The following CAPS2 variants were observed in gnomAD, a reference collection of about 807,000 sequenced individuals.
CAPS2 encodes calcyphosine 2.
CAPS2 carries 98 observed loss-of-function variants against 86.5 expected under a neutral mutation model. That is an observed-to-expected ratio of 1.13 (90% CI 0.96 to 1.34). The LOEUF is 1.34. Ranked by LOEUF, CAPS2 falls within the 40% of genes most tolerant of loss-of-function variation. CAPS2 has a pLI of 0.00. For missense variants in CAPS2, 729 were observed against 686.8 expected (o/e 1.06, Z -0.69); for synonymous variants, 210 against 225.1 (o/e 0.93, Z 0.60).
chr12:75,314,750 GATTA>G (rs1358150456), intron 6 of CAPS2, among the ~76,000 whole-genome samples: 12 of 152,110 alleles, frequency 7.9e-5, no homozygotes, highest in Non-Finnish European at 1.0e-4. Flanking sequence ...AAAGAGGGGA[GATTA>G]ATTAACACCA....
Position 75,346,136 on chromosome 12 carries a change from G to A in CAPS2, c.-394-22914C>T, listed in dbSNP as rs900848611. On this transcript the variant is annotated intron_variant, in intron 1 of 5. Transcript: ENST00000551829. Reference sequence around the variant, plus strand: ...CTACATAGTGAATATTTATTCTCACGATTCCAAAAGCCCCAAAAAGTCACA... The same window carrying A: ...CTACATAGTGAATATTTATTCTCACAATTCCAAAAGCCCCAAAAAGTCACA... 1.5e-4 allele frequency among the ~76,000 whole-genome samples: 23 copies of A among 152,018 alleles called. 1 individual carries two copies. Among genetic ancestry groups the A allele is most frequent in the Admixed American group, 9.8e-4 (15 of 15,266 alleles).
intron 1 of CAPS2, among the ~76,000 whole-genome samples, chr12:75,353,895 T>G (rs141714355): frequency 1.3e-5 from 2 of 152,158 alleles, no homozygotes; most frequent in African/African-American, 4.8e-5. Context: ...AAAAACCATA[T>G]GATTATCTCA....
At chr12:75,310,921 C>T (rs191394429) in intron 7 of CAPS2, among the ~76,000 whole-genome samples, 9 of 152,220 alleles carry the variant, frequency 5.9e-5, no homozygotes, top group African/African-American at 1.4e-4. Context: ...TAAGATCAAA[C>T]CTAAGACCAT....
At chr12:75,367,553 TTC>T (rs2044063208) in intron 1 of CAPS2, among the ~76,000 whole-genome samples, 1 of 151,996 alleles carries the variant, frequency 6.6e-6, no homozygotes, top group African/African-American at 2.4e-5. Context: ...TCAAATTATA[TTC>T]TTTTTTGTAA....
At position 75,285,088 on chromosome 12, in the gene CAPS2, C is replaced by A. The variant is rs749259617; in HGVS notation, c.1396-8G>T. On this transcript the variant is annotated splice_polypyrimidine_tract_variant and splice_region_variant and intron_variant, in intron 14 of 16. Transcript: ENST00000393284. ...CCATGCAGACTCAAAATCCTAGAAA[C>A]AATCAGAGATAACTGTTGCATTTTT... 6.2e-7 allele frequency: 1 copy of A among 1,602,010 alleles called. No individual in the cohort carries two copies.
chr12:75,276,954 T>C (rs1171916610), downstream of CAPS2: 1 of 984,594 alleles, frequency 1.0e-6, no homozygotes, highest in Non-Finnish European at 1.2e-6. Context: ...TTCTCTTAAA[T>C]GCTCTTTTAT....
chr12:75,316,467 C>T, intron 5 of CAPS2, 33 bp from the exon 6 acceptor site: 1 of 1,499,926 alleles, frequency 6.7e-7, no homozygotes, highest in Non-Finnish European at 8.9e-7. Context: ...AAGCATCATA[C>T]ACATATTTAG....
rs200410720 is a variant in CAPS2 at position 75,315,604 on chromosome 12, GTAAC to G, written c.591+704_591+707del. Among the ~76,000 whole-genome samples, 7 of 152,256 alleles carry G rather than the reference GTAAC, an allele frequency of 4.6e-5. No homozygotes were observed. In the East Asian group the frequency reaches 1.2e-3, roughly 25 times the overall value. On this transcript the variant is annotated intron_variant, in intron 6 of 16. Coordinates refer to ENST00000393284, the Ensembl canonical transcript of CAPS2. ...ATTGCCACTCAATGATAATAGTAAT[GTAAC>G]TAACTAAATCCATATTGCTTTGTTA...
intron 12 of CAPS2, 125 bp downstream of exon 12, chr12:75,293,124 C>T (rs1490805541): frequency 1.6e-6 from 1 of 630,926 alleles, no homozygotes. Context: ...CGTAGCTATG[C>T]TTGTTTTTTC....
chr12:75,323,182 C>A, exon 3 of CAPS2: 2 of 1,539,372 alleles, frequency 1.3e-6, no homozygotes, highest in Non-Finnish European at 1.8e-6. Flanking sequence ...ATTACCTCAT[C>A]ATCAGAGTCA....
exon 17 of CAPS2, chr12:75,277,491 T>C (rs17804612): frequency 0.051 from 46,145 of 902,838 alleles, 1,398 homozygotes; most frequent in African/African-American, 0.12. Flanking sequence ...TTCTAGCATA[T>C]TGTTTTAATT....
intron 2 of CAPS2, among the ~76,000 whole-genome samples, chr12:75,323,940 G>A (rs1012324972): frequency 2.6e-5 from 4 of 152,096 alleles, no homozygotes; most frequent in Admixed American, 2.0e-4. Context: ...CAGCCTTGAT[G>A]GGATTATTTA....
intron 1 of CAPS2, chr12:75,343,608 G>A: frequency 3.8e-6 from 4 of 1,043,894 alleles, no homozygotes; most frequent in Non-Finnish European, 5.4e-6. Context: ...ATAAATTTAA[G>A]CAAAACTTAG....
In CAPS2 at chr12:75,381,120, G is replaced by A. The variant is rs574482836; in HGVS notation, c.-395+9718C>T. ...CCCACATGTTGTAGGAGGGACCCAG[G>A]GGGAGGTAACTGAATCACAGGGGCC... On this transcript the variant is annotated intron_variant, in intron 1 of 5. Transcript: ENST00000551829. Among the ~76,000 whole-genome samples, 48 of 152,260 alleles carry A rather than the reference G, an allele frequency of 3.2e-4. 1 individual carries two copies. The South Asian group carries it at 8.5e-3, about 27-fold the overall frequency.
intron 12 of CAPS2, among the ~76,000 whole-genome samples, chr12:75,292,099 C>T (rs904261486): frequency 1.6e-4 from 24 of 152,122 alleles, no homozygotes; most frequent in African/African-American, 2.4e-5. Context: ...CAGAGTCTCG[C>T]TCTGTCACCC....
intron 1 of CAPS2, chr12:75,363,074 G>C: frequency 1.6e-6 from 2 of 1,212,892 alleles, no homozygotes; most frequent in Non-Finnish European, 2.3e-6. Context: ...ACAGCCATTT[G>C]GCTAATCAAT....
chr12:75,285,603 C>T (rs1403855060), intron 14 of CAPS2, among the ~76,000 whole-genome samples: 1 of 151,810 alleles, frequency 6.6e-6, no homozygotes, highest in Non-Finnish European at 1.5e-5. Flanking sequence ...TTCCATTTTC[C>T]TTGTATACCA....
rs573880790 is a variant in CAPS2 at position 75,341,620 on chromosome 12, G to T, written c.-394-18398C>A. Among the ~76,000 whole-genome samples, 11 of 151,496 alleles carry T rather than the reference G, an allele frequency of 7.3e-5. No homozygotes were observed. The South Asian group carries it at 2.1e-3, about 29-fold the overall frequency. On this transcript the variant is annotated intron_variant, in intron 1 of 5. Transcript: ENST00000551829. ...CGCCACCACGCCCGCAGAATTTTTT[G>T]TATTTTTAGTGGAGACGCGGTTTCA...
chr12:75,343,671 T>C, intron 1 of CAPS2: 1 of 1,555,444 alleles, frequency 6.4e-7, no homozygotes, highest in Non-Finnish European at 8.7e-7. Context: ...ACAATTCAAT[T>C]TAAATTATTT....
Sources: gnomAD v4.1 joint callset for allele counts (sites outside exome capture counted in the v4.1 genomes callset) on GRCh38, gnomAD v4.1.1 for gene constraint, MANE v1.5 for transcripts, NCBI Gene and HGNC (gene_info 2026-07-23, HGNC 2026-07-21) for gene names.